ZFYVE9: variants seen among roughly 807,000 people sequenced by gnomAD.
ZFYVE9 encodes the protein zinc finger FYVE-type containing 9.
A neutral mutation model predicts 126.7 loss-of-function variants in ZFYVE9; 43 were observed. The ratio of observed to expected loss-of-function variants is 0.34; its 90% CI spans 0.27 to 0.44. ZFYVE9 has a LOEUF of 0.44. ZFYVE9 is among the 20% of genes least tolerant of loss of function. The pLI, the probability that ZFYVE9 is intolerant of heterozygous loss-of-function variation, is 1.00. For missense variants in ZFYVE9, 1,476 were observed against 1,697.0 expected (o/e 0.87, Z 2.29); for synonymous variants, 521 against 597.4 (o/e 0.87, Z 1.87).
intron 7 of ZFYVE9, among the ~76,000 whole-genome samples, chr1:52,271,425 T>TTTA (rs550354196): frequency 1.3e-5 from 2 of 152,000 alleles, no homozygotes; most frequent in Non-Finnish European, 2.9e-5. Flanking sequence ...TAAATGTCTT[T>TTTA]TTATTATTAT....
Position 52,239,075 on chromosome 1 carries a change from A to G in ZFYVE9, c.1658A>G (p.Gln553Arg). ...KKNYLHNFCS[Q>R]VPSVLGQSSP... ...AATTATTTACATAATTTCTGTAGTC[A>G]AGTTCCATCAGTGCTTGGGCAATCT... The change falls in exon 4 of 19, where the codon CAA becomes CGA. Residue 553 changes from glutamine (Q) to arginine (R), a missense_variant. Coordinates refer to ENST00000287727, the MANE Select transcript of ZFYVE9 (RefSeq NM_004799.4). The G allele has an allele frequency of 6.2e-7, 1 of 1,614,142 alleles. No homozygotes were observed. Among genetic ancestry groups the G allele is most frequent in the Non-Finnish European group, 8.5e-7 (1 of 1,180,006 alleles).
chr1:52,222,510 T>C (rs1217803789), intron 2 of ZFYVE9, among the ~76,000 whole-genome samples: 3 of 152,234 alleles, frequency 2.0e-5, no homozygotes, highest in African/African-American at 4.8e-5. Context: ...ATTTGATTAA[T>C]AGCCTGGAGG....
At chr1:52,144,806 T>G (rs1296114858) in intron 1 of ZFYVE9, among the ~76,000 whole-genome samples, 1 of 152,204 alleles carries the variant, frequency 6.6e-6, no homozygotes, top group Non-Finnish European at 1.5e-5. Flanking sequence ...GTCATTTACT[T>G]TGGCACTTAA....
chr1:52,202,687 C>T (rs978530420), intron 1 of ZFYVE9, among the ~76,000 whole-genome samples: 27 of 151,570 alleles, frequency 1.8e-4, no homozygotes, highest in South Asian at 4.2e-4. Flanking sequence ...TTTATGTATT[C>T]ATTTATTTAT....
At chr1:52,176,479 G>A (rs1572075636) in intron 1 of ZFYVE9, among the ~76,000 whole-genome samples, 1 of 152,238 alleles carries the variant, frequency 6.6e-6, no homozygotes, top group Non-Finnish European at 1.5e-5. Context: ...CCCATTCTCA[G>A]ATCTCCACCT....
At position 52,178,832 on chromosome 1, in the gene ZFYVE9, G is replaced by C. The variant is rs957420215; in HGVS notation, c.-143+36429G>C. 2.0e-5 allele frequency among the ~76,000 whole-genome samples: 3 copies of C among 152,066 alleles called. 1 individual carries two copies. The highest frequency in any genetic ancestry group is 7.2e-5 in the African/African-American group (3 of 41,404). On this transcript the variant is annotated intron_variant, in intron 1 of 18. Transcript: ENST00000287727. ...GATAATTACTTATTTATGAGACAGA[G>C]TCTCGCTCTGTTACCCAGGCTGGAG...
intron 9 of ZFYVE9, 145 bp from the exon 10 acceptor site, chr1:52,281,516 G>T: frequency 1.1e-6 from 1 of 913,314 alleles, no homozygotes; most frequent in Non-Finnish European, 1.6e-6. Context: ...GCTCAATGCA[G>T]TGACAGTTCA....
chr1:52,213,102 T>G (rs779407811), intron 1 of ZFYVE9, among the ~76,000 whole-genome samples: 4 of 152,232 alleles, frequency 2.6e-5, no homozygotes, highest in Non-Finnish European at 5.9e-5. Context: ...ATGCTCATTC[T>G]GGGTAAAAAG....
intron 13 of ZFYVE9, among the ~76,000 whole-genome samples, chr1:52,327,801 C>T (rs908804496): frequency 2.6e-5 from 4 of 151,816 alleles, no homozygotes; most frequent in African/African-American, 9.7e-5. Flanking sequence ...TGGTCAAACT[C>T]CGTCTCTACT....
chr1:52,293,678 G>C lies in ZFYVE9; in HGVS notation c.3250+1G>C. The C allele has an allele frequency of 6.2e-7, 1 of 1,613,098 alleles. No homozygotes were observed. Among genetic ancestry groups the C allele is most frequent in the Non-Finnish European group, 8.5e-7 (1 of 1,179,376 alleles). ...TTGAGACTTGGAGCTGAATATCGACGTAAGTAGTAAAAACACGTTTTTCAA... is the reference window on the plus strand; with the variant it reads ...TTGAGACTTGGAGCTGAATATCGACCTAAGTAGTAAAAACACGTTTTTCAA... On this transcript the variant is annotated splice_donor_variant, in intron 11 of 18. Coordinates refer to ENST00000287727, the MANE Select transcript of ZFYVE9 (RefSeq NM_004799.4). LOFTEE classifies it high-confidence loss of function.
chr1:52,322,977 TG>T (rs1646255772), intron 13 of ZFYVE9, among the ~76,000 whole-genome samples: 1 of 152,116 alleles, frequency 6.6e-6, no homozygotes, highest in South Asian at 2.1e-4. Context: ...GCTAATTTTT[TG>T]TATTTTTAGT....
intron 13 of ZFYVE9, among the ~76,000 whole-genome samples, chr1:52,331,050 G>A (rs1646336620): frequency 6.6e-6 from 1 of 151,862 alleles, no homozygotes; most frequent in Non-Finnish European, 1.5e-5. Flanking sequence ...TGTACTTTTA[G>A]TAGAGATGGG....
chr1:52,152,310 G>A (rs1460378222), intron 1 of ZFYVE9, among the ~76,000 whole-genome samples: 1 of 152,094 alleles, frequency 6.6e-6, no homozygotes, highest in Admixed American at 6.6e-5. Flanking sequence ...AACTTATTTG[G>A]TTGTGGAACC....
At chr1:52,147,333 G>A (rs1381481320) in intron 1 of ZFYVE9, among the ~76,000 whole-genome samples, 3 of 152,112 alleles carry the variant, frequency 2.0e-5, no homozygotes, top group Non-Finnish European at 4.4e-5. Context: ...AAACATCACT[G>A]CTGTCTAATT....
At chr1:52,316,235 C>T (rs1191164854) in intron 13 of ZFYVE9, among the ~76,000 whole-genome samples, 3 of 149,282 alleles carry the variant, frequency 2.0e-5, no homozygotes, top group Non-Finnish European at 3.0e-5. Flanking sequence ...CCTGTAATCC[C>T]AACACTTTGG....
At chr1:52,207,151 G>A (rs1644986006) in intron 1 of ZFYVE9, among the ~76,000 whole-genome samples, 1 of 152,116 alleles carries the variant, frequency 6.6e-6, no homozygotes, top group African/African-American at 2.4e-5. Flanking sequence ...CCATCACAGG[G>A]ATGTTGTATA....
rs33996604 is a variant in ZFYVE9 at position 52,266,405 on chromosome 1, T to TAAAAAAAAA, written c.2279-229_2279-221dup. On this transcript the variant is annotated intron_variant, in intron 5 of 18. Transcript: ENST00000287727. ...AGCCACCACTCCCGGTCTAATTCTT[T>TAAAAAAAAA]AAAAAAAAAAAAAAAAAAAAAAAAA... is the stretch of plus-strand genomic sequence containing the variant. Among the ~76,000 whole-genome samples, 657 of 85,598 alleles carry TAAAAAAAAA rather than the reference T, an allele frequency of 7.7e-3. 21 individuals are homozygous for TAAAAAAAAA. The highest frequency in any genetic ancestry group is 0.028 in the African/African-American group (587 of 20,836). 56.2% of individuals were successfully genotyped at this position (85,598 alleles called of 152,430 possible).
At chr1:52,285,982 C>A (rs904864835) in intron 10 of ZFYVE9, among the ~76,000 whole-genome samples, 1 of 152,064 alleles carries the variant, frequency 6.6e-6, no homozygotes, top group Non-Finnish European at 1.5e-5. Flanking sequence ...TGGTGAAACC[C>A]CATCTCTACT....
intron 2 of ZFYVE9, among the ~76,000 whole-genome samples, chr1:52,218,619 C>T (rs1324747899): frequency 1.3e-5 from 2 of 152,138 alleles, no homozygotes; most frequent in African/African-American, 2.4e-5. Flanking sequence ...GTTGCACAAG[C>T]GTAACAATCT....
Sources: gnomAD v4.1 joint callset for allele counts (sites outside exome capture counted in the v4.1 genomes callset) on GRCh38, gnomAD v4.1.1 for gene constraint, MANE v1.5 for transcripts, NCBI Gene and HGNC (gene_info 2026-07-23, HGNC 2026-07-21) for gene names.